Variants in KIF13B observed in about 807,000 individuals in gnomAD.
KIF13B encodes the protein kinesin-like protein KIF13B.
Under a neutral mutation model 222.0 loss-of-function variants are expected in KIF13B, and 127 were observed. That is an observed-to-expected ratio of 0.57 (90% CI 0.50 to 0.66). The LOEUF (loss-of-function observed/expected upper bound fraction) is 0.66. Among genes scored for constraint, KIF13B ranks in the 30% least tolerant of loss-of-function variants. The probability of loss-of-function intolerance (pLI) is 0.00; values close to 1 mark genes in which losing one functional copy is unlikely to be tolerated. For synonymous variants in KIF13B, 976 were observed against 919.0 expected (o/e 1.06, Z -1.12); for missense variants, 2,173 against 2,379.0 (o/e 0.91, Z 1.80).
chr8:29,159,424 A>C (rs1011230071), intron 13 of KIF13B, among the ~76,000 whole-genome samples: 1 of 152,226 alleles, frequency 6.6e-6, no homozygotes, highest in Non-Finnish European at 1.5e-5. Context: ...TGCTGGGATT[A>C]CAGGTGTGAG....
chr8:29,085,109 A>G (rs912471892), intron 37 of KIF13B, among the ~76,000 whole-genome samples: 4 of 152,252 alleles, frequency 2.6e-5, no homozygotes, highest in African/African-American at 9.6e-5. Context: ...TCTTACAAAA[A>G]AAGATCCAGG....
intron 2 of KIF13B, among the ~76,000 whole-genome samples, chr8:29,226,260 G>A (rs62505662): frequency 6.6e-6 from 1 of 152,082 alleles, no homozygotes; most frequent in Non-Finnish European, 1.5e-5. Flanking sequence ...TTACATGACT[G>A]TCTGGCATGA....
At chr8:29,178,042 T>A (rs1812555830) in intron 8 of KIF13B, among the ~76,000 whole-genome samples, 1 of 152,196 alleles carries the variant, frequency 6.6e-6, no homozygotes, top group African/African-American at 2.4e-5. Flanking sequence ...CTGTACAATC[T>A]AACGGTGGAG....
intron 36 of KIF13B, among the ~76,000 whole-genome samples, chr8:29,094,040 A>G (rs541786821): frequency 2.0e-5 from 3 of 152,366 alleles, no homozygotes; most frequent in East Asian, 3.9e-4. Flanking sequence ...ATTCTAGAGT[A>G]AGGACAATCC....
At chr8:29,086,990 G>A (rs1208743156) in intron 37 of KIF13B, among the ~76,000 whole-genome samples, 1 of 152,232 alleles carries the variant, frequency 6.6e-6, no homozygotes, top group African/African-American at 2.4e-5. Flanking sequence ...GTGCTGCTAA[G>A]TCCAGCACTG....
intron 2 of KIF13B, among the ~76,000 whole-genome samples, chr8:29,206,791 T>C (rs1420928837): frequency 1.3e-5 from 2 of 152,082 alleles, no homozygotes; most frequent in Non-Finnish European, 2.9e-5. Flanking sequence ...TGAGTAAATA[T>C]GTCATATAAT....
chr8:29,082,873 C>CCACACACATAATCACACACATAAT (rs1221686586), intron 37 of KIF13B, among the ~76,000 whole-genome samples: 1 of 152,130 alleles, frequency 6.6e-6, no homozygotes, highest in African/African-American at 2.4e-5. Flanking sequence ...ACACATAATC[C>CCACACACATAATCACACACATAAT]CAGCACTTCC....
rs1228796259 is a variant in KIF13B at position 29,090,107 on chromosome 8, T to C, written c.4458+2638A>G. ...AGACTGAAGGCGCTTCACATGCTTA[T>C]AGGCTAAAAAGGCAGCTTATCTGGC... On this transcript the variant is annotated intron_variant, in intron 37 of 39. Transcript: ENST00000524189. Among the ~76,000 whole-genome samples, 4 of 152,092 alleles carry C rather than the reference T, an allele frequency of 2.6e-5. No individual in the cohort carries two copies. The East Asian group carries it at 5.8e-4, about 22-fold the overall frequency.
Position 29,148,904 on chromosome 8 carries a change from T to C in KIF13B, c.1623-137A>G, listed in dbSNP as rs1018337027. 7.9e-6 allele frequency: 5 copies of C among 636,168 alleles called. No homozygotes were observed. In the South Asian group the frequency reaches 9.0e-5, roughly 12 times the overall value. 39.4% of individuals were successfully genotyped at this position (636,168 alleles called of 1,614,324 possible). On this transcript the variant is annotated intron_variant, in intron 15 of 39. Transcript: ENST00000524189. ...GCAATTACTGTACTCAGGAAGTTGATAATCTTGTCGTAGAAATAAGACACT... is the reference window on the plus strand; with the variant it reads ...GCAATTACTGTACTCAGGAAGTTGACAATCTTGTCGTAGAAATAAGACACT...
At chr8:29,082,987 G>A (rs999648371) in intron 37 of KIF13B, among the ~76,000 whole-genome samples, 1 of 152,156 alleles carries the variant, frequency 6.6e-6, no homozygotes, top group Non-Finnish European at 1.5e-5. Flanking sequence ...AAATTAGCCA[G>A]CCATGGCGGT....
intron 27 of KIF13B, 148 bp from the exon 28 acceptor site, chr8:29,123,640 C>G (rs919965675): frequency 9.7e-7 from 1 of 1,028,922 alleles, no homozygotes; most frequent in Non-Finnish European, 1.4e-6. Flanking sequence ...CTAGAGAGGT[C>G]AGATGGGCTC....
rs146467490 is a variant in KIF13B at position 29,150,915 on chromosome 8, TAAAAGA to T, written c.1536-538_1536-533del. On this transcript the variant is annotated intron_variant, in intron 14 of 39. Coordinates refer to ENST00000524189, the MANE Select transcript of KIF13B (RefSeq NM_015254.4). ...CTACAATAACCTCTAACTGTTTAAG[TAAAAGA>T]AAGAGTCACACATCTCTCAAAAGGT... is the stretch of plus-strand genomic sequence containing the variant. Among the ~76,000 whole-genome samples, 1,351 of 152,016 alleles carry T rather than the reference TAAAAGA, an allele frequency of 8.9e-3. 20 individuals are homozygous for T. The highest frequency in any genetic ancestry group is 0.03 in the African/African-American group (1,261 of 41,454).
At chr8:29,252,769 A>G (rs1816332120) in intron 1 of KIF13B, among the ~76,000 whole-genome samples, 1 of 152,362 alleles carries the variant, frequency 6.6e-6, no homozygotes, top group South Asian at 2.1e-4. Flanking sequence ...TTAATGGCAT[A>G]GCAGGAAACA....
At chr8:29,178,652 TAAAAA>T (rs35590594) in intron 8 of KIF13B, among the ~76,000 whole-genome samples, 1 of 139,074 alleles carries the variant, frequency 7.2e-6, no homozygotes, top group Non-Finnish European at 1.5e-5. Flanking sequence ...TACTTTTAGT[TAAAAA>T]AAAAAAAAAA....
At chr8:29,252,602 T>C (rs576246938) in intron 1 of KIF13B, among the ~76,000 whole-genome samples, 2 of 152,352 alleles carry the variant, frequency 1.3e-5, no homozygotes, top group Non-Finnish European at 2.9e-5. Context: ...GATTTACTTA[T>C]TCAACCGCAA....
Position 29,140,658 on chromosome 8 carries a change from T to G in KIF13B, c.2335-41A>C, listed in dbSNP as rs376436304. On this transcript the variant is annotated intron_variant, in intron 19 of 39. Coordinates refer to ENST00000524189, the MANE Select transcript of KIF13B (RefSeq NM_015254.4). The stretch of plus-strand genomic sequence containing the variant: ...GAACACACAACTTCAGAAAAACCAT[T>G]TACAATAAATGCATTCAACCTACTG... 10 of 1,574,338 alleles carry G rather than the reference T, an allele frequency of 6.4e-6. No homozygotes were observed. The African/African-American group carries it at 1.2e-4, about 19-fold the overall frequency.
At chr8:29,083,781 T>C (rs962757649) in intron 37 of KIF13B, among the ~76,000 whole-genome samples, 5 of 152,150 alleles carry the variant, frequency 3.3e-5, no homozygotes, top group African/African-American at 9.7e-5. Flanking sequence ...ACAAGTGAAA[T>C]ACAGCACACT....
chr8:29,205,655 T>G (rs6991271), intron 2 of KIF13B, among the ~76,000 whole-genome samples: 80,315 of 152,008 alleles, frequency 0.53, 21,895 homozygotes, highest in Middle Eastern at 0.62. Flanking sequence ...GAATCCCAAA[T>G]TCAAATGTCC....
rs773848274 is a variant in KIF13B, at chr8:29,118,957, G to T, written c.3571C>A (p.Pro1191Thr). The change falls in exon 30 of 40, where the codon CCA (proline) becomes ACA (threonine). Residue 1191 changes from proline to threonine, a missense_variant. By Grantham distance (38) the Pro-to-Thr change is conservative (BLOSUM62 -1). This residue lies in a region of KIF13B where 1,480 missense variants were observed against 1,722.8 expected (regional missense o/e 0.86). Transcript: ENST00000524189. ...GTCGCATCCCATCCACCAGCTTCTG[G>T]GTCATCAAGATTATCCTGAGAGCTG... ...DFSSQDNLDD[P>T]EAGGWDATLT... 6.2e-7 allele frequency: 1 copy of T among 1,613,630 alleles called. No homozygotes were observed. The highest frequency in any genetic ancestry group is 2.2e-5 in the East Asian group (1 of 44,856).
Sources: allele counts gnomAD v4.1 joint callset (sites outside exome capture counted in the v4.1 genomes callset), GRCh38; gene constraint gnomAD v4.1.1; regional missense constraint gnomAD v4.1.1; transcripts MANE v1.5; gene names NCBI Gene and HGNC (gene_info 2026-07-23, HGNC 2026-07-21).